TMF1: variants seen among roughly 807,000 people sequenced by gnomAD.
The protein encoded by TMF1 is TATA element modulatory factor.
A neutral mutation model predicts 126.5 loss-of-function variants in TMF1; 71 were observed. The observed-to-expected ratio is 0.56, with a 90% CI of 0.46 to 0.68. The LOEUF is 0.68. Among genes scored for constraint, TMF1 ranks in the 30% least tolerant of loss-of-function variants. The pLI is 0.00. For synonymous variants in TMF1, 461 were observed against 430.5 expected (o/e 1.07, Z -0.88); for missense variants, 1,259 against 1,253.2 (o/e 1.00, Z -0.07).
chr3:69,034,519 A>C (rs994181759), intron 9 of TMF1, among the ~76,000 whole-genome samples: 12 of 152,184 alleles, frequency 7.9e-5, no homozygotes, highest in African/African-American at 2.9e-4. Flanking sequence ...TTCTTTAAAA[A>C]GCGTTTCTAA....
At chr3:69,025,974 C>T (rs1575807599) in intron 14 of TMF1, 22 bp downstream of exon 14, 2 of 1,552,028 alleles carry the variant, frequency 1.3e-6, no homozygotes, top group Non-Finnish European at 8.9e-7. Context: ...GAACTAAGCA[C>T]ATATAAAAAA....
At chr3:69,042,295 C>T (rs1198679581) in intron 5 of TMF1, 2 of 454,046 alleles carry the variant, frequency 4.4e-6, no homozygotes, top group African/African-American at 4.0e-5. Flanking sequence ...ACCTCTGCCT[C>T]CCCAAGTGCT....
chr3:69,031,451 C>T (rs760909405), intron 10 of TMF1, among the ~76,000 whole-genome samples: 8 of 151,762 alleles, frequency 5.3e-5, no homozygotes, highest in Non-Finnish European at 8.8e-5. Context: ...CAAATGAGTA[C>T]CAATAAAACT....
At chr3:69,046,622 A>G (rs887448196) in intron 2 of TMF1, among the ~76,000 whole-genome samples, 2 of 152,228 alleles carry the variant, frequency 1.3e-5, no homozygotes, top group East Asian at 3.8e-4. Flanking sequence ...CTAAATTTGT[A>G]TATCTAAAAG....
intron 5 of TMF1, 132 bp downstream of exon 5, chr3:69,042,675 C>T (rs986174902): frequency 1.3e-6 from 1 of 746,604 alleles, no homozygotes; most frequent in Non-Finnish European, 2.4e-6. Flanking sequence ...AAACTGTCAC[C>T]TATTTCTATG....
intron 11 of TMF1, among the ~76,000 whole-genome samples, chr3:69,029,042 A>ATTT (rs202102186): frequency 1.4e-5 from 2 of 146,238 alleles, no homozygotes. Context: ...TACTTTATTT[A>ATTT]TTTTTTTTTT....
At chr3:69,040,594 G>A (rs1005962665) in intron 5 of TMF1, 3 of 152,186 alleles carry the variant, frequency 2.0e-5, no homozygotes, top group Non-Finnish European at 1.5e-5. Context: ...ATTGTAGTGT[G>A]CTTTCAGCTT....
At chr3:69,051,618 C>G (rs1221404085) in intron 1 of TMF1, among the ~76,000 whole-genome samples, 1 of 152,116 alleles carries the variant, frequency 6.6e-6, no homozygotes, top group African/African-American at 2.4e-5. Context: ...ATTCGAGGTT[C>G]AGGTTCGGGA....
intron 5 of TMF1, 36 bp from the exon 6 acceptor site, chr3:69,039,729 A>T: frequency 6.3e-7 from 1 of 1,579,444 alleles, no homozygotes; most frequent in African/African-American, 1.4e-5. Context: ...TCAAATGATA[A>T]CTATTCCCTA....
chr3:69,043,826 T>A lies in TMF1; in HGVS notation c.1502A>T (p.Asp501Val), dbSNP rs373935145. 1.2e-6 allele frequency: 2 copies of A among 1,611,640 alleles called. No individual in the cohort carries two copies. The highest frequency in any genetic ancestry group is 1.7e-6 in the Non-Finnish European group (2 of 1,178,676). Residue 501 changes from aspartate to valine, a missense_variant, in exon 4 of 17, where the codon GAT (aspartate) becomes GTT (valine). Physicochemically the swap from Asp to Val is radical, Grantham distance 152. Transcript: ENST00000398559. ...EESSSISSLK[D>V]EFTQRIAEAE... ...TTCTGCAATTCTTTGAGTAAACTCATCTTTCAAGGAAGAAATGCTACTGCT... is the reference window on the plus strand; with the variant it reads ...TTCTGCAATTCTTTGAGTAAACTCAACTTTCAAGGAAGAAATGCTACTGCT...
chr3:69,025,466 C>T, intron 15 of TMF1, 94 bp downstream of exon 15: 3 of 1,253,628 alleles, frequency 2.4e-6, no homozygotes, highest in Non-Finnish European at 3.3e-6. Flanking sequence ...TCTTGTTTCT[C>T]AATTTGCTCA....
rs1242395601 is a variant in TMF1 at position 69,028,298 on chromosome 3, A to G, written c.2595-3T>C. On this transcript the variant is annotated splice_polypyrimidine_tract_variant and splice_region_variant and intron_variant, in intron 11 of 16. Transcript: ENST00000398559. ...GGTTTTCCAATTCAACCTGGTACCT[A>G]TTAAACAAGGCAGAATTTAAAAAAA... The G allele has an allele frequency of 6.2e-7, 1 of 1,602,590 alleles. No homozygotes were observed. Among genetic ancestry groups the G allele is most frequent in the Non-Finnish European group, 8.5e-7 (1 of 1,170,448 alleles).
At position 69,047,356 on chromosome 3, in the gene TMF1, A is replaced by G. The variant is rs749396514; in HGVS notation, c.1347+2T>C. The G allele has an allele frequency of 6.3e-7, 1 of 1,574,972 alleles. No homozygotes were observed. The highest frequency in any genetic ancestry group is 8.6e-7 in the Non-Finnish European group (1 of 1,159,328). On this transcript the variant is annotated splice_donor_variant, in intron 2 of 16. Transcript: ENST00000398559. LOFTEE classifies it high-confidence loss of function. ...AAAATCCCTTCCACTTACTAGAGTT[A>G]CCTTGCAAACATCTTCCTTCTCAGA...
chr3:69,025,793 CT>C, intron 14 of TMF1, 81 bp from the exon 15 acceptor site: 2 of 1,473,658 alleles, frequency 1.4e-6, no homozygotes, highest in Non-Finnish European at 1.8e-6. Flanking sequence ...AAAAATGGTT[CT>C]GTCAATTTTT....
In TMF1 at chr3:69,038,562, A is replaced by C; in HGVS notation, c.2151+2T>G. 1 of 1,611,304 alleles carries C rather than the reference A, an allele frequency of 6.2e-7. No individual in the cohort carries two copies. The highest frequency in any genetic ancestry group is 8.5e-7 in the Non-Finnish European group (1 of 1,179,306). ...TACTCTAATTCATCATCCATTGCTT[A>C]CTTGAATGGCTAATGTTTCTTGCTG... On this transcript the variant is annotated splice_donor_variant, in intron 8 of 16. Transcript: ENST00000398559. LOFTEE classifies it high-confidence loss of function.
At position 69,039,023 on chromosome 3, in the gene TMF1, A is replaced by C. The variant is rs757406492; in HGVS notation, c.1828-14T>G. On this transcript the variant is annotated splice_polypyrimidine_tract_variant and intron_variant, in intron 6 of 16. Coordinates refer to ENST00000398559, the MANE Select transcript of TMF1 (RefSeq NM_007114.3). ...GCCATCAAGGACCTATATGTTATAAAAACAGACAAAAGTATTTTTCAAGAA... is the reference window on the plus strand; with the variant it reads ...GCCATCAAGGACCTATATGTTATAACAACAGACAAAAGTATTTTTCAAGAA... 1 of 1,505,490 alleles carries C rather than the reference A, an allele frequency of 6.6e-7. No homozygotes were observed. Among genetic ancestry groups the C allele is most frequent in the Non-Finnish European group, 8.9e-7 (1 of 1,123,858 alleles). The allele number at this position is 1,505,490 out of a possible 1,614,324, so 93.3% of individuals were successfully genotyped here. A position where few individuals can be genotyped will look rare whatever the true frequency, so the allele number is the denominator to read the frequency against.
In TMF1 at chr3:69,052,281, G is replaced by C. The variant is rs554863042; in HGVS notation, c.-195C>G. On this transcript the variant is annotated 5_prime_UTR_variant, in exon 1 of 17. Coordinates refer to ENST00000398559, the MANE Select transcript of TMF1 (RefSeq NM_007114.3). ...GTTCCCGCACAGCTGAGACGAAGGG[G>C]GCCCATGTGCGCATGCGCTTGCTTC... 2.0e-6 allele frequency: 1 copy of C among 501,358 alleles called. No homozygotes were observed. The highest frequency in any genetic ancestry group is 3.4e-6 in the Non-Finnish European group (1 of 291,208). 31.1% of individuals were successfully genotyped at this position (501,358 alleles called of 1,614,324 possible). A position where few individuals can be genotyped will look rare whatever the true frequency, so the allele number is the denominator to read the frequency against.
At chr3:69,028,088 A>G (rs952310248) in intron 12 of TMF1, 96 bp from the exon 13 acceptor site, 3 of 1,111,048 alleles carry the variant, frequency 2.7e-6, no homozygotes, top group Admixed American at 4.6e-5. Context: ...ATAAACTCAT[A>G]TTTGTTTTCC....
At position 69,029,934 on chromosome 3, in the gene TMF1, T is replaced by G. The variant is rs771850302; in HGVS notation, c.2475A>C (p.Lys825Asn). ...GTGACTCCATGGAAGACATCTGAATTTTGTTAGCAAGGAGTTCTTCTGTAG... is the reference window on the plus strand; with the variant it reads ...GTGACTCCATGGAAGACATCTGAATGTTGTTAGCAAGGAGTTCTTCTGTAG... ...RAATEELLAN[K>N]IQMSSMESQN... The change falls in exon 11 of 17, where the codon AAA becomes AAC. Residue 825 changes from lysine (K) to asparagine (N), a missense_variant. Physicochemically the swap from Lys to Asn is moderately conservative, Grantham distance 94. Transcript: ENST00000398559. 1 of 1,614,210 alleles carries G rather than the reference T, an allele frequency of 6.2e-7. No individual in the cohort carries two copies. The highest frequency in any genetic ancestry group is 1.7e-5 in the Admixed American group (1 of 60,034).
Sources: gnomAD v4.1 joint callset for allele counts (sites outside exome capture counted in the v4.1 genomes callset) on GRCh38, gnomAD v4.1.1 for gene constraint, MANE v1.5 for transcripts, NCBI Gene and HGNC (gene_info 2026-07-23, HGNC 2026-07-21) for gene names.